MSH5: variants seen among roughly 807,000 people sequenced by gnomAD.
MSH5 encodes the protein mutS homolog 5.
Under a neutral mutation model 107.7 loss-of-function variants are expected in MSH5, and 78 were observed. The ratio of observed to expected loss-of-function variants is 0.72; its 90% CI spans 0.60 to 0.87. The LOEUF is 0.87. Ranked by LOEUF, MSH5 falls within the 40% of genes least tolerant of loss-of-function variation. MSH5 has a pLI of 0.00. For synonymous variants in MSH5, 326 were observed against 399.5 expected, an observed-to-expected ratio of 0.82 and a Z score of 2.19; for missense variants, 889 against 1,046.6, an observed-to-expected ratio of 0.85 and a Z score of 2.08.
chr6:31,759,390 A>G lies in MSH5; in HGVS notation c.1408-35A>G. ...TGGGGAAGGAGAGGAGGACCAAGAG[A>G]TGCAAAGTCCACAGCTTTGAACCCC... On this transcript the variant is annotated intron_variant, in intron 16 of 24. Transcript: ENST00000375750. This position sits in a 1 kb window ranked among gnomAD's most constrained non-coding sequence, Gnocchi z 4.7. 1 of 1,602,684 alleles carries G rather than the reference A, an allele frequency of 6.2e-7. No homozygotes were observed. Among genetic ancestry groups the G allele is most frequent in the Non-Finnish European group, 8.5e-7 (1 of 1,171,244 alleles).
At chr6:31,750,873 A>G (rs1809891388) in intron 10 of MSH5, among the ~76,000 whole-genome samples, 1 of 152,234 alleles carries the variant, frequency 6.6e-6, no homozygotes, top group Non-Finnish European at 1.5e-5. Flanking sequence ...TACTTGTTCT[A>G]TGTAGAAAAG....
chr6:31,762,143 T>A lies in MSH5; in HGVS notation c.2351T>A (p.Ile784Asn). 2 of 1,614,152 alleles carry A rather than the reference T, an allele frequency of 1.2e-6. No homozygotes were observed. The highest frequency in any genetic ancestry group is 1.7e-6 in the Non-Finnish European group (2 of 1,180,012). ...VSDLIRSGKP[I>N]KPVKDLLKKN... ...GACTTGATCCGCAGTGGAAAACCCA[T>A]CAAGCCTGTCAAGGATTTGCTAAAG... Residue 784 changes from isoleucine to asparagine, a missense_variant, in exon 24 of 25, where the codon ATC becomes AAC. Transcript: ENST00000375750.
At position 31,744,247 on chromosome 6, in the gene MSH5, C is replaced by T; in HGVS notation, c.595C>T (p.Leu199=). Residue 199 remains leucine (L), a synonymous_variant, in exon 7 of 25, where the codon CTG becomes TTG. Coordinates refer to ENST00000375750, the MANE Select transcript of MSH5 (RefSeq NM_172166.4). ...GGGTCGAAGAAGAATCGGGGTTGAA[C>T]TGGAAGACTATAATGTCAGCGTCCC... ...FLGRRRIGVE[L]EDYNVSVPIL... 1 of 1,614,120 alleles carries T rather than the reference C, an allele frequency of 6.2e-7. No individual in the cohort carries two copies. Among genetic ancestry groups the T allele is most frequent in the Non-Finnish European group, 8.5e-7 (1 of 1,180,030 alleles).
intron 5 of MSH5, chr6:31,743,378 T>A: frequency 1.6e-6 from 1 of 618,564 alleles, no homozygotes. Context: ...TCTGCTTAAG[T>A]CATGTCTAGG....
Position 31,750,992 on chromosome 6 carries a change from T to C in MSH5, c.813-2309T>C, listed in dbSNP as rs140210589. Among the ~76,000 whole-genome samples, 1,035 of 152,282 alleles carry C rather than the reference T, an allele frequency of 6.8e-3. 11 individuals carry two copies. Among genetic ancestry groups the C allele is most frequent in the Non-Finnish European group, 0.011 (771 of 68,020 alleles). On this transcript the variant is annotated intron_variant, in intron 10 of 24. Coordinates refer to ENST00000375750, the MANE Select transcript of MSH5 (RefSeq NM_172166.4). The stretch of plus-strand genomic sequence containing the variant: ...CAGATGAGACATTTATTTCTGTATA[T>C]GAATTTATTTTATTTATTTATTTAT...
intron 10 of MSH5, among the ~76,000 whole-genome samples, chr6:31,752,446 G>C (rs1288642726): frequency 6.6e-6 from 1 of 151,820 alleles, no homozygotes; most frequent in Non-Finnish European, 1.5e-5. Flanking sequence ...CTATTGGCCG[G>C]GTATGGTGAC....
chr6:31,742,847 A>T, intron 3 of MSH5, 30 bp from the exon 4 acceptor site: 1 of 1,601,452 alleles, frequency 6.2e-7, no homozygotes, highest in Non-Finnish European at 8.6e-7. Context: ...AAGATCCTTT[A>T]ACTCATTTGA....
At chr6:31,741,817 T>C (rs1195313611) in intron 3 of MSH5, among the ~76,000 whole-genome samples, 1 of 151,396 alleles carries the variant, frequency 6.6e-6, no homozygotes, top group Non-Finnish European at 1.5e-5. Context: ...GTTGGAAAGC[T>C]CAAAATTGGG....
Position 31,762,405 on chromosome 6 carries a change from TTC to T in MSH5, c.2394-9_2394-8del, listed in dbSNP as rs575587407. On this transcript the variant is annotated splice_polypyrimidine_tract_variant and intron_variant, in intron 24 of 24. Coordinates refer to ENST00000375750, the MANE Select transcript of MSH5 (RefSeq NM_172166.4). ...CCATTCTGCCATAAATCTTGCGATT[TTC>T]TCTCTTCTTCAGTTGCCAGACATTA... The T allele has an allele frequency of 1.1e-5, 17 of 1,595,262 alleles. No homozygotes were observed. The Admixed American group carries it at 1.8e-4, about 17-fold the overall frequency.
chr6:31,758,672 C>T lies in MSH5; in HGVS notation c.1216+52C>T. 6.2e-7 allele frequency: 1 copy of T among 1,610,342 alleles called. No homozygotes were observed. Among genetic ancestry groups the T allele is most frequent in the Non-Finnish European group, 8.5e-7 (1 of 1,176,748 alleles). ...TGAGCCCTGCGCAGTGATGGAGTAC[C>T]ATCCTTGGCAGGTGGTCACCACAGC... On this transcript the variant is annotated intron_variant, in intron 14 of 24. Transcript: ENST00000375750. The surrounding 1 kb of genome is among the most constrained non-coding windows in gnomAD (Gnocchi z 5.1).
chr6:31,758,189 A>C lies in MSH5; in HGVS notation c.1039A>C (p.Arg347=). ...YKTVYSALGL[R]DACRSLPQSI... is the part of the protein sequence containing the mutation. ...GACTGTGTACAGTGCCCTGGGCCTG[A>C]GGGATGCCTGCCGCTCCCTGCCGCA... is the stretch of plus-strand genomic sequence containing the variant. Residue 347 remains arginine (R), a synonymous_variant, in exon 13 of 25, where the codon AGG becomes CGG. Transcript: ENST00000375750. This position sits in a 1 kb window ranked among gnomAD's most constrained non-coding sequence, Gnocchi z 5.1. The C allele has an allele frequency of 2.5e-6, 4 of 1,612,940 alleles. No homozygotes were observed. In the Middle Eastern group the frequency reaches 6.6e-4, roughly 266 times the overall value.
Position 31,753,402 on chromosome 6 carries a change from T to G in MSH5, c.914T>G (p.Met305Arg). Residue 305 changes from methionine (M) to arginine (R), a missense_variant, in exon 11 of 25, where the codon ATG becomes AGG. Physicochemically the swap from Met to Arg is moderately conservative, Grantham distance 91 (BLOSUM62 -1). Coordinates refer to ENST00000375750, the MANE Select transcript of MSH5 (RefSeq NM_172166.4). ...CCCCAGAATCTGGACATGGCTCAGATGCTGCATCGGCTCCTGGGTCACATC... is the reference window on the plus strand; with the variant it reads ...CCCCAGAATCTGGACATGGCTCAGAGGCTGCATCGGCTCCTGGGTCACATC... ...LLPQNLDMAQ[M>R]LHRLLGHIKN... 3.1e-6 allele frequency: 5 copies of G among 1,614,154 alleles called. No individual in the cohort carries two copies. The highest frequency in any genetic ancestry group is 4.2e-6 in the Non-Finnish European group (5 of 1,180,022).
Position 31,759,917 on chromosome 6 carries a change from G to A in MSH5, c.1627G>A (p.Gly543Ser). The A allele has an allele frequency of 6.2e-7, 1 of 1,614,202 alleles. No individual in the cohort carries two copies. Among genetic ancestry groups the A allele is most frequent in the Non-Finnish European group, 8.5e-7 (1 of 1,180,038 alleles). ...LALASAARDY[G>S]YSRPRYSPQV... ...TCTTGCCAGTGCTGCCCGGGACTAT[G>A]GCTACTCAAGGCCGCGTTACTCCCC... The change falls in exon 18 of 25, where the codon GGC becomes AGC. Residue 543 changes from glycine to serine, a missense_variant. Gly to Ser is a moderately conservative substitution (Grantham distance 56). Transcript: ENST00000375750. This position sits in a 1 kb window ranked among gnomAD's most constrained non-coding sequence, Gnocchi z 4.7.
intron 10 of MSH5, among the ~76,000 whole-genome samples, chr6:31,747,919 G>A (rs1427949643): frequency 6.6e-6 from 1 of 151,800 alleles, no homozygotes; most frequent in Non-Finnish European, 1.5e-5. Flanking sequence ...CAGGAGAATC[G>A]CTTGAACCCA....
intron 12 of MSH5, among the ~76,000 whole-genome samples, chr6:31,755,642 G>A (rs1015493081): frequency 2.0e-5 from 3 of 152,100 alleles, no homozygotes; most frequent in African/African-American, 7.2e-5. Flanking sequence ...GATTACAGGC[G>A]TGAGCCATTG....
intron 12 of MSH5, 103 bp downstream of exon 12, chr6:31,753,732 T>A: frequency 2.5e-4 from 227 of 914,308 alleles, no homozygotes; most frequent in Non-Finnish European, 3.6e-4. Context: ...TATTCTACCC[T>A]CTTTTTTTTT....
intron 12 of MSH5, chr6:31,756,814 T>A (rs939747546): frequency 6.6e-6 from 1 of 151,786 alleles, no homozygotes; most frequent in East Asian, 2.0e-4. Flanking sequence ...CTAATTTTTG[T>A]ATTTTTAGTA....
chr6:31,753,661 C>T, intron 12 of MSH5, 32 bp downstream of exon 12: 2 of 1,601,604 alleles, frequency 1.2e-6, no homozygotes, highest in South Asian at 2.2e-5. Context: ...CCCAAAAGTC[C>T]AGGTAAAGGC....
intron 9 of MSH5, chr6:31,746,080 T>TTGGTGTGTG (rs1554205307): frequency 8.6e-6 from 1 of 116,736 alleles, no homozygotes; most frequent in East Asian, 2.6e-4. Flanking sequence ...GTGTCCAGTT[T>TTGGTGTGTG]TGTGTGTGTG....
Sources: gnomAD v4.1 joint callset for allele counts (sites outside exome capture counted in the v4.1 genomes callset) on GRCh38, gnomAD v4.1.1 for gene constraint, Gnocchi (gnomAD v3.1) non-coding constraint, MANE v1.5 for transcripts, NCBI Gene and HGNC (gene_info 2026-07-23, HGNC 2026-07-21) for gene names.